KYAT3: variants seen among roughly 807,000 people sequenced by gnomAD.
The protein encoded by KYAT3 is kynurenine aminotransferase 3, also known as kynurenine--oxoglutarate transaminase 3.
A neutral mutation model predicts 59.0 loss-of-function variants in KYAT3; 50 were observed. The ratio of observed to expected loss-of-function variants is 0.85; its 90% CI spans 0.68 to 1.07. The LOEUF is 1.07. KYAT3 is among the 50% of genes least tolerant of loss of function. KYAT3 has a pLI of 0.00. For synonymous variants in KYAT3, 148 were observed against 177.0 expected (o/e 0.84, Z 1.30); for missense variants, 497 against 533.3 (o/e 0.93, Z 0.67).
chr1:88,962,217 T>C lies in KYAT3; in HGVS notation c.454-72A>G, dbSNP rs1676176418. 20 of 1,116,002 alleles carry C rather than the reference T, an allele frequency of 1.8e-5. No individual in the cohort carries two copies. In the South Asian group the frequency reaches 2.3e-4, roughly 13 times the overall value. The allele number at this position is 1,116,002 out of a possible 1,614,324, so 69.1% of individuals were successfully genotyped here. On this transcript the variant is annotated intron_variant, in intron 5 of 13. Coordinates refer to ENST00000260508, the MANE Select transcript of KYAT3 (RefSeq NM_001008661.3). ...TGTTAATAATACTGTGTACCTACTA[T>C]GGGCTAGGCACTGTACTATGTGTTG...
At chr1:88,924,987 C>T in the KYAT3 span, among the ~76,000 whole-genome samples, 8 of 152,162 alleles carry the variant, frequency 5.3e-5, no homozygotes, top group African/African-American at 1.4e-4. Context: ...GGAAGCAGCC[C>T]GCCGCCATCT....
intron 8 of KYAT3, among the ~76,000 whole-genome samples, chr1:88,959,044 A>G (rs560601241): frequency 6.6e-6 from 1 of 152,094 alleles, no homozygotes; most frequent in Admixed American, 6.5e-5. Flanking sequence ...TTGGGAGGCC[A>G]GGGCAGGAGG....
intron 2 of KYAT3, among the ~76,000 whole-genome samples, chr1:88,972,467 C>G (rs556630503): frequency 6.6e-6 from 1 of 152,252 alleles, no homozygotes; most frequent in East Asian, 1.9e-4. Flanking sequence ...TTAAAAAAAC[C>G]TCACTCACAT....
At chr1:88,945,110 C>T (rs576631401) in intron 11 of KYAT3, among the ~76,000 whole-genome samples, 101 of 152,218 alleles carry the variant, frequency 6.6e-4, no homozygotes, top group African/African-American at 2.3e-3. Context: ...TCCCAAAGTG[C>T]TGGGATTACA....
the KYAT3 span, among the ~76,000 whole-genome samples, chr1:88,927,403 C>T: frequency 7.2e-5 from 11 of 152,124 alleles, no homozygotes; most frequent in Non-Finnish European, 1.3e-4. Flanking sequence ...TACAGCTAGA[C>T]CTCTTTTGTA....
chr1:88,969,351 AG>A, intron 3 of KYAT3, 57 bp downstream of exon 3: 1 of 1,040,616 alleles, frequency 9.6e-7, no homozygotes, highest in Non-Finnish European at 1.5e-6. Context: ...TCCCATCTAA[AG>A]ATACGAAAAT....
chr1:88,983,048 T>C (rs775801077), intron 2 of KYAT3: 39 of 1,612,568 alleles, frequency 2.4e-5, no homozygotes, highest in Admixed American at 5.0e-5. Flanking sequence ...TCTATCGCCA[T>C]AGCCTCTTGA....
chr1:88,938,169 T>G, intron 13 of KYAT3, among the ~76,000 whole-genome samples: 1 of 152,180 alleles, frequency 6.6e-6, no homozygotes, highest in East Asian at 1.9e-4. Context: ...CAACTTACTC[T>G]GAAATAGTTT....
rs531404360 is a variant in KYAT3, at chr1:88,961,388, A to G, written c.659T>C (p.Leu220Pro). 3 of 1,613,928 alleles carry G rather than the reference A, an allele frequency of 1.9e-6. No homozygotes were observed. Among genetic ancestry groups the G allele is most frequent in the African/African-American group, 2.7e-5 (2 of 75,046 alleles). ...GAGATGAGACTTGCTTACCTTGCCA[A>G]GTGGGTTATGTGGAGTATTTAGTAT... ...AIILNTPHNP[L>P]GKVYNREELQ... Residue 220 changes from leucine to proline, a missense_variant, in exon 7 of 14, where the codon CTT becomes CCT. By Grantham distance (98) the Leu-to-Pro change is moderately conservative. Around this residue, in one of 2 missense-constraint regions of KYAT3, gnomAD observed 469 missense variants for 479.1 expected, o/e 0.98. Coordinates refer to ENST00000260508, the MANE Select transcript of KYAT3 (RefSeq NM_001008661.3).
chr1:88,990,009 G>T (rs1448160261), intron 1 of KYAT3, among the ~76,000 whole-genome samples: 1 of 152,126 alleles, frequency 6.6e-6, no homozygotes, highest in Non-Finnish European at 1.5e-5. Context: ...AGTCCAAAAT[G>T]ATTCTTTAAA....
At chr1:88,990,811 TTAAG>T (rs1677750586) in intron 1 of KYAT3, among the ~76,000 whole-genome samples, 1 of 152,240 alleles carries the variant, frequency 6.6e-6, no homozygotes, top group Admixed American at 6.5e-5. Flanking sequence ...CTGCATTTTA[TTAAG>T]TATTTTGAGC....
chr1:88,983,922 G>T, intron 2 of KYAT3: 2 of 1,455,936 alleles, frequency 1.4e-6, no homozygotes, highest in Non-Finnish European at 9.6e-7. Context: ...ACCAGTGGCG[G>T]CTGTCAGTTA....
intron 1 of KYAT3, among the ~76,000 whole-genome samples, chr1:88,989,091 G>A (rs565978927): frequency 3.9e-4 from 60 of 152,316 alleles, no homozygotes; most frequent in Middle Eastern, 3.4e-3. Flanking sequence ...CAGGCAAATA[G>A]ATATTTCTCA....
chr1:88,942,030 C>CT (rs902433397), intron 13 of KYAT3, among the ~76,000 whole-genome samples: 2 of 152,060 alleles, frequency 1.3e-5, no homozygotes, highest in Non-Finnish European at 2.9e-5. Flanking sequence ...TATTCTCTCT[C>CT]TTTTTTTTCT....
At chr1:88,964,076 G>A (rs147670279) in intron 5 of KYAT3, among the ~76,000 whole-genome samples, 50 of 152,192 alleles carry the variant, frequency 3.3e-4, no homozygotes, top group East Asian at 2.3e-3. Context: ...CGTGGCGGGC[G>A]CCTGTAATCT....
intron 11 of KYAT3, among the ~76,000 whole-genome samples, 163 bp from the exon 12 acceptor site, chr1:88,943,586 G>C (rs149123389): frequency 6.6e-6 from 1 of 152,140 alleles, no homozygotes; most frequent in Non-Finnish European, 1.5e-5. Flanking sequence ...CACACTGTAC[G>C]GTGGGGTGGG....
At chr1:88,933,953 T>C (rs1456925862), downstream of KYAT3, among the ~76,000 whole-genome samples, 1 of 152,062 alleles carries the variant, frequency 6.6e-6, no homozygotes, top group East Asian at 1.9e-4. Context: ...TGAATGACCA[T>C]TATAACTGGA....
At chr1:88,976,385 A>G (rs1212721149) in intron 2 of KYAT3, among the ~76,000 whole-genome samples, 1 of 151,630 alleles carries the variant, frequency 6.6e-6, no homozygotes, top group Non-Finnish European at 1.5e-5. Flanking sequence ...CTACTTGCCT[A>G]GTGGAGCCAT....
chr1:88,988,212 A>C (rs749043742), intron 2 of KYAT3, 40 bp downstream of exon 2: 1 of 1,359,336 alleles, frequency 7.4e-7, no homozygotes, highest in Middle Eastern at 1.8e-4. Flanking sequence ...GACAGTGCAG[A>C]ATATGTACAA....
Sources: allele counts gnomAD v4.1 joint callset (sites outside exome capture counted in the v4.1 genomes callset), GRCh38; gene constraint gnomAD v4.1.1; regional missense constraint gnomAD v4.1.1; transcripts MANE v1.5; gene names NCBI Gene and HGNC (gene_info 2026-07-23, HGNC 2026-07-21).